Variants in AGAP1 observed in about 807,000 individuals in gnomAD.
AGAP1 encodes the protein ArfGAP with GTPase domain, ankyrin repeat and PH domain 1.
AGAP1 carries 29 observed loss-of-function variants against 105.3 expected under a neutral mutation model. The ratio of observed to expected loss-of-function variants is 0.28; its 90% CI spans 0.21 to 0.38. The LOEUF is 0.38. Ranked by LOEUF, AGAP1 falls within the 10% of genes least tolerant of loss-of-function variation. AGAP1 has a pLI of 1.00. For synonymous variants in AGAP1, 509 were observed against 485.9 expected (o/e 1.05, Z -0.63); for missense variants, 998 against 1,165.1 (o/e 0.86, Z 2.09).
In AGAP1 at chr2:235,815,519, T is replaced by A. The variant is rs1958402878; in HGVS notation, c.1050+8188T>A. 3.3e-5 allele frequency among the ~76,000 whole-genome samples: 5 copies of A among 152,174 alleles called. No homozygotes were observed. In the South Asian group the frequency reaches 1.0e-3, roughly 32 times the overall value. On this transcript the variant is annotated intron_variant, in intron 9 of 17. Coordinates refer to ENST00000304032, the MANE Select transcript of AGAP1 (RefSeq NM_001037131.3). ...TTTTGGGGGGACGTATTTCATCCTG[T>A]AACACACAGCTGGGTAGTAGCAGAG...
rs1163400108 is a variant in AGAP1, at chr2:235,872,094, A to G, written c.1051-11251A>G. 6.6e-6 allele frequency among the ~76,000 whole-genome samples: 1 copy of G among 152,146 alleles called. No individual in the cohort carries two copies. Among genetic ancestry groups the G allele is most frequent in the Non-Finnish European group, 1.5e-5 (1 of 68,024 alleles). ...CAGTTGTGAATACTGAGAGATTGGT[A>G]TTCATACTCTTTGGAACCCAGTTAA... On this transcript the variant is annotated intron_variant, in intron 9 of 17. Coordinates refer to ENST00000304032, the MANE Select transcript of AGAP1 (RefSeq NM_001037131.3). This position sits in a 1 kb window ranked among gnomAD's most constrained non-coding sequence, Gnocchi z 4.5.
intron 1 of AGAP1, among the ~76,000 whole-genome samples, chr2:235,636,809 G>C (rs1224684754): frequency 6.6e-6 from 1 of 152,142 alleles, no homozygotes; most frequent in Non-Finnish European, 1.5e-5. Flanking sequence ...ATGCCAGAGT[G>C]GGGTGGGCCC....
rs1043073243 is a variant in AGAP1, at chr2:235,662,846, G to A, written c.164-46333G>A. ...TCAGTGCTCCTGGCCACTGCTGACT[G>A]GTGCATGGCGAGCAGAGGTTTTATT... is the stretch of plus-strand genomic sequence containing the variant. On this transcript the variant is annotated intron_variant, in intron 1 of 17. Transcript: ENST00000304032. This position sits in a 1 kb window ranked among gnomAD's most constrained non-coding sequence, Gnocchi z 4.2. Among the ~76,000 whole-genome samples, 11 of 152,192 alleles carry A rather than the reference G, an allele frequency of 7.2e-5. No individual in the cohort carries two copies. The highest frequency in any genetic ancestry group is 7.3e-5 in the Non-Finnish European group (5 of 68,036).
intron 13 of AGAP1, among the ~76,000 whole-genome samples, chr2:236,007,840 C>T (rs963565426): frequency 1.3e-5 from 2 of 152,222 alleles, no homozygotes; most frequent in African/African-American, 2.4e-5. Context: ...CACAGAGCAG[C>T]GAGCCAGTCC....
At chr2:235,763,579 T>A (rs1954647297) in intron 6 of AGAP1, among the ~76,000 whole-genome samples, 1 of 152,212 alleles carries the variant, frequency 6.6e-6, no homozygotes, top group Non-Finnish European at 1.5e-5. Context: ...AGTGAGACTG[T>A]GTGTCCACAT....
In AGAP1 at chr2:235,901,415, A is replaced by G. The variant is rs2051058414; in HGVS notation, c.1156-7323A>G. Among the ~76,000 whole-genome samples, 1 of 152,148 alleles carries G rather than the reference A, an allele frequency of 6.6e-6. No individual in the cohort carries two copies. The highest frequency in any genetic ancestry group is 6.5e-5 in the Admixed American group (1 of 15,280). The stretch of plus-strand genomic sequence containing the variant: ...ATGAGTCATTCTTTTCCTCCAGGAG[A>G]AGGAGGAACAAACAAATGTGAAAAC... On this transcript the variant is annotated intron_variant, in intron 10 of 17. Transcript: ENST00000304032. This position sits in a 1 kb window ranked among gnomAD's most constrained non-coding sequence, Gnocchi z 4.3.
intron 1 of AGAP1, among the ~76,000 whole-genome samples, chr2:235,671,211 C>T (rs1948402901): frequency 1.3e-5 from 2 of 152,324 alleles, no homozygotes; most frequent in Admixed American, 6.5e-5. Context: ...CCCAGCAGGG[C>T]GCAGCGGTCC....
rs747520423 is a variant in AGAP1 at position 235,824,537 on chromosome 2, T to C, written c.1050+17206T>C. ...GTTAGGACCATCATTGAGATGCTTATTGCAGGAGAAATTAAAGATACAATT... is the reference window on the plus strand; with the variant it reads ...GTTAGGACCATCATTGAGATGCTTACTGCAGGAGAAATTAAAGATACAATT... On this transcript the variant is annotated intron_variant, in intron 9 of 17. Transcript: ENST00000304032. This position sits in a 1 kb window ranked among gnomAD's most constrained non-coding sequence, Gnocchi z 5.2. Among the ~76,000 whole-genome samples, 10 of 152,246 alleles carry C rather than the reference T, an allele frequency of 6.6e-5. No individual in the cohort carries two copies. The highest frequency in any genetic ancestry group is 1.2e-4 in the Non-Finnish European group (8 of 68,052).
chr2:235,871,538 C>T (rs1024260627), intron 9 of AGAP1, among the ~76,000 whole-genome samples: 12 of 152,236 alleles, frequency 7.9e-5, no homozygotes, highest in Non-Finnish European at 1.5e-4. Context: ...ATGCTTCTTA[C>T]ATCTCTGCCA....
chr2:235,849,656 T>C (rs1052416559), intron 9 of AGAP1, among the ~76,000 whole-genome samples: 1 of 47,276 alleles, frequency 2.1e-5, no homozygotes, highest in Non-Finnish European at 7.3e-5. Flanking sequence ...TAGGCCTGGA[T>C]AAGGGTTGCC....
At chr2:235,829,184 C>T (rs1000151161) in intron 9 of AGAP1, among the ~76,000 whole-genome samples, 1 of 152,258 alleles carries the variant, frequency 6.6e-6, no homozygotes, top group African/African-American at 2.4e-5. Flanking sequence ...CTTGGACTTG[C>T]AGGCAGCCTC....
Position 236,055,549 on chromosome 2 carries a change from G to C in AGAP1, c.2114+6268G>C, listed in dbSNP as rs542861017. ...CAAAGTGAATTTCTGTCACCGCGGC[G>C]TGCTTGTCAGTGGGCCTGCCCTGGC... On this transcript the variant is annotated intron_variant, in intron 16 of 17. Coordinates refer to ENST00000304032, the MANE Select transcript of AGAP1 (RefSeq NM_001037131.3). This position sits in a 1 kb window ranked among gnomAD's most constrained non-coding sequence, Gnocchi z 6.2. Among the ~76,000 whole-genome samples the C allele has an allele frequency of 1.3e-5, 2 of 152,346 alleles. No homozygotes were observed. Among genetic ancestry groups the C allele is most frequent in the Admixed American group, 1.3e-4 (2 of 15,306 alleles).
At chr2:235,859,836 C>G (rs72985033) in intron 9 of AGAP1, among the ~76,000 whole-genome samples, 7,910 of 152,238 alleles carry the variant, frequency 0.052, 282 homozygotes, top group Middle Eastern at 0.099. Flanking sequence ...TGGAGCTGCT[C>G]CTCTTTCGCC....
Position 235,574,393 on chromosome 2 carries a change from C to G in AGAP1, c.163+79544C>G, listed in dbSNP as rs902306559. Among the ~76,000 whole-genome samples the G allele has an allele frequency of 2.6e-5, 4 of 152,224 alleles. No homozygotes were observed. Among genetic ancestry groups the G allele is most frequent in the African/African-American group, 9.6e-5 (4 of 41,464 alleles). ...AGCATTTTTTCTTCTTTGCTAAATG[C>G]ATAAACTGTATAACGAAATGTAATT... On this transcript the variant is annotated intron_variant, in intron 1 of 17. Transcript: ENST00000304032. This position sits in a 1 kb window ranked among gnomAD's most constrained non-coding sequence, Gnocchi z 5.0.
intron 10 of AGAP1, among the ~76,000 whole-genome samples, chr2:235,886,219 C>A (rs1396549901): frequency 6.6e-6 from 1 of 152,238 alleles, no homozygotes; most frequent in Admixed American, 6.5e-5. Flanking sequence ...AACTATTGAA[C>A]CAGTCGCTTT....
At chr2:235,647,392 C>G (rs1230135173) in intron 1 of AGAP1, among the ~76,000 whole-genome samples, 13 of 152,012 alleles carry the variant, frequency 8.6e-5, no homozygotes, top group African/African-American at 2.9e-4. Context: ...AATCACATTT[C>G]TTTTTTCTTT....
At chr2:235,532,812 G>C (rs376044140) in intron 1 of AGAP1, among the ~76,000 whole-genome samples, 1 of 152,170 alleles carries the variant, frequency 6.6e-6, no homozygotes, top group African/African-American at 2.4e-5. Context: ...GCAGTGAGCC[G>C]TGCCATTCCC....
intron 1 of AGAP1, among the ~76,000 whole-genome samples, chr2:235,652,260 G>A (rs540304045): frequency 8.7e-4 from 132 of 152,188 alleles, no homozygotes; most frequent in Middle Eastern, 6.8e-3. Flanking sequence ...CCTGCAACAG[G>A]GCCCTGCTTG....
chr2:236,066,830 C>G (rs149484439), intron 16 of AGAP1, among the ~76,000 whole-genome samples: 186 of 152,216 alleles, frequency 1.2e-3, no homozygotes, highest in African/African-American at 4.3e-3. Context: ...TCAGAAGCAG[C>G]CATGAATCTG....
Sources: allele counts gnomAD v4.1 joint callset (sites outside exome capture counted in the v4.1 genomes callset), GRCh38; gene constraint gnomAD v4.1.1; non-coding constraint Gnocchi (gnomAD v3.1); transcripts MANE v1.5; gene names NCBI Gene and HGNC (gene_info 2026-07-23, HGNC 2026-07-21).